Variants in FSTL4 observed in about 807,000 individuals in gnomAD.
The protein encoded by FSTL4 is follistatin like 4, also known as follistatin-related protein 4.
In FSTL4, 28 loss-of-function variants were observed where a neutral mutation model predicts 78.2. That is an observed-to-expected ratio of 0.36 (90% CI 0.27 to 0.49). The LOEUF is 0.49. Ranked by LOEUF, FSTL4 falls within the 20% of genes least tolerant of loss-of-function variation. The pLI is 0.98. For synonymous variants in FSTL4, 422 were observed against 440.5 expected, an observed-to-expected ratio of 0.96 and a Z score of 0.53; for missense variants, 922 against 1,084.9, an observed-to-expected ratio of 0.85 and a Z score of 2.11.
the FSTL4 span, among the ~76,000 whole-genome samples, chr5:133,638,127 T>C: frequency 6.6e-6 from 1 of 152,072 alleles, no homozygotes; most frequent in African/African-American, 2.4e-5. Context: ...CTTCTCTTTC[T>C]CTCACATCCC....
Position 133,448,749 on chromosome 5 carries a change from G to GC in FSTL4, c.161-47764_161-47763insG, listed in dbSNP as rs554384602. 4.2e-4 allele frequency among the ~76,000 whole-genome samples: 59 copies of GC among 140,378 alleles called. 1 individual carries two copies. The highest frequency in any genetic ancestry group is 1.5e-3 in the African/African-American group (58 of 39,212). 92.1% of individuals were successfully genotyped at this position (140,378 alleles called of 152,430 possible). The stretch of plus-strand genomic sequence containing the variant: ...CCAGGGGTGCGGGGGCGGGGGGGGG[G>GC]GGCGCTCAGAATTTTCCGCCTTTTG... On this transcript the variant is annotated intron_variant, in intron 3 of 15. Transcript: ENST00000265342.
At chr5:133,553,751 A>G (rs921561170) in intron 3 of FSTL4, among the ~76,000 whole-genome samples, 1 of 152,226 alleles carries the variant, frequency 6.6e-6, no homozygotes, top group African/African-American at 2.4e-5. Flanking sequence ...ACTTAGAAAT[A>G]ACTTAAACGA....
At chr5:133,322,446 T>C (rs1754094610) in intron 4 of FSTL4, among the ~76,000 whole-genome samples, 1 of 152,100 alleles carries the variant, frequency 6.6e-6, no homozygotes, top group African/African-American at 2.4e-5. Context: ...GAGATGAGGA[T>C]CTAGGGGCAA....
At chr5:133,427,934 G>A (rs1033473538) in intron 3 of FSTL4, among the ~76,000 whole-genome samples, 3 of 152,192 alleles carry the variant, frequency 2.0e-5, no homozygotes, top group Non-Finnish European at 4.4e-5. Context: ...CACAAGGGGT[G>A]AGAGGTGGAG....
chr5:133,291,421 C>T (rs7717410), intron 6 of FSTL4, among the ~76,000 whole-genome samples: 1,527 of 152,304 alleles, frequency 0.01, 34 homozygotes, highest in African/African-American at 0.035. Flanking sequence ...AACACAGACA[C>T]ATTCATTTGT....
In FSTL4 at chr5:133,603,990, G is replaced by A; in HGVS notation, c.-7C>T. Reference sequence around the variant, plus strand: ...AAAAGCCTCCTGGTTTCATTTTGATGAGTCTGTTGAAGAAATGACAAATGC... The same window carrying A: ...AAAAGCCTCCTGGTTTCATTTTGATAAGTCTGTTGAAGAAATGACAAATGC... On this transcript the variant is annotated 5_prime_UTR_variant, in exon 2 of 16. Coordinates refer to ENST00000265342, the MANE Select transcript of FSTL4 (RefSeq NM_015082.2). 6.2e-7 allele frequency: 1 copy of A among 1,606,028 alleles called. No individual in the cohort carries two copies.
chr5:133,238,203 TA>T (rs1352264183), intron 7 of FSTL4, among the ~76,000 whole-genome samples: 20 of 152,124 alleles, frequency 1.3e-4, no homozygotes, highest in African/African-American at 4.6e-4. Context: ...TCCAGAGTAA[TA>T]TTAGAGTTTA....
chr5:133,752,199 A>C, the FSTL4 span, among the ~76,000 whole-genome samples: 1 of 152,216 alleles, frequency 6.6e-6, no homozygotes, highest in African/African-American at 2.4e-5. Context: ...TGTGGGCCTC[A>C]TTTTGGGTAG....
chr5:133,745,217 A>T, the FSTL4 span, among the ~76,000 whole-genome samples: 10 of 152,364 alleles, frequency 6.6e-5, no homozygotes, highest in African/African-American at 2.4e-4. Context: ...AGCCCTTTCA[A>T]TGGAAATACG....
chr5:133,504,440 A>T (rs1330746705), intron 3 of FSTL4, among the ~76,000 whole-genome samples: 3 of 152,130 alleles, frequency 2.0e-5, no homozygotes, highest in African/African-American at 4.8e-5. Flanking sequence ...AGGTTATTAT[A>T]GTAGTTTCCT....
intron 6 of FSTL4, among the ~76,000 whole-genome samples, chr5:133,265,673 C>T (rs6860405): frequency 9.6e-4 from 146 of 152,296 alleles, no homozygotes; most frequent in African/African-American, 3.2e-3. Flanking sequence ...GTAGTCTGAA[C>T]GCAGGGGAGT....
At chr5:133,219,925 T>A (rs1011743850) in intron 12 of FSTL4, among the ~76,000 whole-genome samples, 2 of 152,234 alleles carry the variant, frequency 1.3e-5, no homozygotes, top group Non-Finnish European at 2.9e-5. Flanking sequence ...ATAACACTTC[T>A]AAAAAATAAT....
rs1231645005 is a variant in FSTL4 at position 133,401,031 on chromosome 5, G to C, written c.161-45C>G. 4 of 1,601,610 alleles carry C rather than the reference G, an allele frequency of 2.5e-6. No homozygotes were observed. In the East Asian group the frequency reaches 6.7e-5, roughly 27 times the overall value. On this transcript the variant is annotated intron_variant, in intron 3 of 15. Coordinates refer to ENST00000265342, the MANE Select transcript of FSTL4 (RefSeq NM_015082.2). ...AGAGGGTCAGCTGTAAACACTCAGA[G>C]GGTCTGGGGTCGAGGGCTTCCTTTG...
At chr5:133,406,044 T>C (rs1375071274) in intron 3 of FSTL4, among the ~76,000 whole-genome samples, 1 of 152,208 alleles carries the variant, frequency 6.6e-6, no homozygotes, top group African/African-American at 2.4e-5. Context: ...GAGGGTGAAC[T>C]GGCAAACAAA....
At chr5:133,218,321 G>T (rs1437952291) in intron 12 of FSTL4, among the ~76,000 whole-genome samples, 1 of 152,004 alleles carries the variant, frequency 6.6e-6, no homozygotes, top group African/African-American at 2.4e-5. Context: ...CCATCACCCT[G>T]GCCAGGTCAC....
chr5:133,221,112 T>C (rs1751087979), intron 11 of FSTL4: 1 of 588,032 alleles, frequency 1.7e-6, no homozygotes, highest in African/African-American at 1.8e-5. Flanking sequence ...CCCTAAGTCA[T>C]CTAGAGTTGG....
At chr5:133,810,041 T>C in the FSTL4 span, among the ~76,000 whole-genome samples, 3 of 152,220 alleles carry the variant, frequency 2.0e-5, no homozygotes, top group Admixed American at 6.5e-5. Flanking sequence ...GCGGGACAGG[T>C]GCTTCAAGGC....
intron 6 of FSTL4, among the ~76,000 whole-genome samples, chr5:133,279,804 T>A (rs1179463697): frequency 2.0e-5 from 3 of 152,190 alleles, no homozygotes; most frequent in African/African-American, 7.2e-5. Flanking sequence ...GAAAATAGGA[T>A]CTTTGCACAT....
chr5:133,701,018 A>G, the FSTL4 span, among the ~76,000 whole-genome samples: 1 of 152,016 alleles, frequency 6.6e-6, no homozygotes, highest in Non-Finnish European at 1.5e-5. Flanking sequence ...TTGTGTAGAT[A>G]AGAAATGACA....
Sources: allele counts gnomAD v4.1 joint callset (sites outside exome capture counted in the v4.1 genomes callset), GRCh38; gene constraint gnomAD v4.1.1; transcripts MANE v1.5; gene names NCBI Gene and HGNC (gene_info 2026-07-23, HGNC 2026-07-21).